CPED1: variants seen among roughly 807,000 people sequenced by gnomAD.
CPED1 encodes cadherin-like and PC-esterase domain-containing protein 1.
In CPED1, 114 loss-of-function variants were observed where a neutral mutation model predicts 128.2. That is an observed-to-expected ratio of 0.89 (90% CI 0.76 to 1.04). The LOEUF (loss-of-function observed/expected upper bound fraction) is 1.04, where lower values mean the gene tolerates loss of function less well. CPED1 is among the 50% of genes least tolerant of loss of function. The pLI, the probability that CPED1 is intolerant of heterozygous loss-of-function variation, is 0.00. For missense variants in CPED1, 1,211 were observed against 1,207.1 expected, an observed-to-expected ratio of 1.00 and a Z score of -0.05; for synonymous variants, 462 against 426.7, an observed-to-expected ratio of 1.08 and a Z score of -1.02.
At chr7:120,997,532 A>C (rs1796427232) in intron 2 of CPED1, among the ~76,000 whole-genome samples, 1 of 152,188 alleles carries the variant, frequency 6.6e-6, no homozygotes, top group Non-Finnish European at 1.5e-5. Context: ...TCAGAATGTG[A>C]CCTTACTTGG....
chr7:121,084,133 G>A (rs1794362831), intron 5 of CPED1, among the ~76,000 whole-genome samples: 1 of 151,982 alleles, frequency 6.6e-6, no homozygotes, highest in South Asian at 2.1e-4. Context: ...GCTATTTTCA[G>A]GCTCCTTCCC....
chr7:121,118,146 G>A (rs1294030581), intron 7 of CPED1, among the ~76,000 whole-genome samples: 7 of 152,070 alleles, frequency 4.6e-5, no homozygotes, highest in East Asian at 1.9e-4. Flanking sequence ...TTCCATCCAC[G>A]TCTGTGTATT....
At chr7:121,254,107 T>C (rs1045701780) in intron 18 of CPED1, among the ~76,000 whole-genome samples, 8 of 151,316 alleles carry the variant, frequency 5.3e-5, no homozygotes, top group African/African-American at 1.7e-4. Flanking sequence ...ACAGAATATA[T>C]AGTCTTCTCA....
intron 12 of CPED1, among the ~76,000 whole-genome samples, chr7:121,132,625 G>A (rs997959324): frequency 2.0e-5 from 3 of 152,078 alleles, no homozygotes; most frequent in African/African-American, 7.2e-5. Context: ...GGTGCACCAT[G>A]TGCTAATTTT....
intron 10 of CPED1, 81 bp from the exon 11 acceptor site, chr7:121,128,300 GT>G (rs1795557278): frequency 1.3e-6 from 1 of 742,594 alleles, no homozygotes; most frequent in South Asian, 1.6e-5. Context: ...AATCTGATTG[GT>G]TGATGAAATG....
chr7:121,055,135 G>A (rs1028201989), intron 4 of CPED1, among the ~76,000 whole-genome samples: 6 of 152,042 alleles, frequency 3.9e-5, no homozygotes, highest in African/African-American at 1.2e-4. Context: ...TCCAGTTTAT[G>A]GCCATAATGA....
At chr7:121,224,925 C>A (rs1797967608) in intron 16 of CPED1, among the ~76,000 whole-genome samples, 1 of 150,562 alleles carries the variant, frequency 6.6e-6, no homozygotes. Context: ...GACTCTTTAT[C>A]CAATTTGCCC....
chr7:121,194,048 ATTTT>A lies in CPED1; in HGVS notation c.2056-42651_2056-42648del, dbSNP rs68159246. ...TATATATATATATATATATATATAT[ATTTT>A]TTTTTTTTTTTTTTGAGACAGAATC... is the stretch of plus-strand genomic sequence containing the variant. On this transcript the variant is annotated intron_variant, in intron 16 of 22. Coordinates refer to ENST00000310396, the MANE Select transcript of CPED1 (RefSeq NM_024913.5). 1.0e-2 allele frequency among the ~76,000 whole-genome samples: 472 copies of A among 47,348 alleles called. 1 individual carries two copies. Among genetic ancestry groups the A allele is most frequent in the Non-Finnish European group, 0.012 (332 of 27,380 alleles). 31.1% of individuals were successfully genotyped at this position (47,348 alleles called of 152,430 possible). A position where few individuals can be genotyped will look rare whatever the true frequency, so the allele number is the denominator to read the frequency against.
intron 16 of CPED1, among the ~76,000 whole-genome samples, chr7:121,227,090 A>G (rs112846499): frequency 0.019 from 2,819 of 152,190 alleles, 86 homozygotes; most frequent in African/African-American, 0.062. Flanking sequence ...TAGAGACTCA[A>G]AAACATTAGA....
chr7:121,169,301 G>T (rs1209837885), intron 16 of CPED1, among the ~76,000 whole-genome samples: 1 of 152,088 alleles, frequency 6.6e-6, no homozygotes, highest in Non-Finnish European at 1.5e-5. Flanking sequence ...GTTCTATAAA[G>T]AAGGTAATTG....
At chr7:121,157,404 T>G (rs1358359745) in intron 16 of CPED1, among the ~76,000 whole-genome samples, 1 of 151,886 alleles carries the variant, frequency 6.6e-6, no homozygotes, top group Admixed American at 6.6e-5. Context: ...GGGAAAAGGT[T>G]TGAGGGGCCA....
chr7:121,123,148 T>C (rs1018771701), intron 7 of CPED1, among the ~76,000 whole-genome samples: 1 of 152,218 alleles, frequency 6.6e-6, no homozygotes, highest in Non-Finnish European at 1.5e-5. Context: ...TTTTCCTTAG[T>C]AAAATGGAAG....
intron 16 of CPED1, among the ~76,000 whole-genome samples, chr7:121,200,808 A>G (rs1797378125): frequency 6.6e-6 from 1 of 152,188 alleles, no homozygotes; most frequent in Admixed American, 6.5e-5. Flanking sequence ...TAGCCCAAGA[A>G]GAGAAACAAA....
At chr7:120,999,691 C>A (rs1791773624) in intron 2 of CPED1, among the ~76,000 whole-genome samples, 1 of 152,114 alleles carries the variant, frequency 6.6e-6, no homozygotes, top group South Asian at 2.1e-4. Context: ...TACGCAACTT[C>A]CATAGAATTA....
chr7:121,160,222 T>C (rs773241464), intron 16 of CPED1, among the ~76,000 whole-genome samples: 1 of 152,188 alleles, frequency 6.6e-6, no homozygotes, highest in Non-Finnish European at 1.5e-5. Context: ...ACATCACTAT[T>C]ACATTATATC....
At chr7:121,095,106 A>T in intron 5 of CPED1, among the ~76,000 whole-genome samples, 1 of 152,210 alleles carries the variant, frequency 6.6e-6, no homozygotes, top group African/African-American at 2.4e-5. Flanking sequence ...TATTTGGAAG[A>T]CTGTGTCATA....
At chr7:121,151,940 C>T (rs1796169140) in intron 16 of CPED1, among the ~76,000 whole-genome samples, 1 of 152,188 alleles carries the variant, frequency 6.6e-6, no homozygotes, top group Non-Finnish European at 1.5e-5. Context: ...CAGATGGTTT[C>T]ACTGATTGCA....
At position 121,295,140 on chromosome 7, in the gene CPED1, A is replaced by AACACACACACACACACAC. The variant is rs35927183; in HGVS notation, c.2869-282_2869-265dup. ...TGTATGTCAGTGTGCCTGGCCTGAA[A>AACACACACACACACACAC]ACACACACACACACACACACACACA... is the stretch of plus-strand genomic sequence containing the variant. On this transcript the variant is annotated intron_variant, in intron 22 of 22. Transcript: ENST00000310396. 4.6e-3 allele frequency among the ~76,000 whole-genome samples: 673 copies of AACACACACACACACACAC among 145,856 alleles called. 6 individuals are homozygous for AACACACACACACACACAC. Among genetic ancestry groups the AACACACACACACACACAC allele is most frequent in the South Asian group, 0.015 (65 of 4,418 alleles).
At chr7:121,220,621 C>G (rs1415910551) in intron 16 of CPED1, among the ~76,000 whole-genome samples, 2 of 151,950 alleles carry the variant, frequency 1.3e-5, no homozygotes, top group Non-Finnish European at 2.9e-5. Context: ...GCTATCAGTT[C>G]TCTTCTTTTC....
Sources: allele counts gnomAD v4.1 joint callset (sites outside exome capture counted in the v4.1 genomes callset), GRCh38; gene constraint gnomAD v4.1.1; transcripts MANE v1.5; gene names NCBI Gene and HGNC (gene_info 2026-07-23, HGNC 2026-07-21).